The following ZNF846 variants were observed in gnomAD, a reference collection of about 807,000 sequenced individuals.
ZNF846 encodes the protein zinc finger protein 420 pseudogene.
A neutral mutation model predicts 16.0 loss-of-function variants in ZNF846; 15 were observed. The observed-to-expected ratio is 0.94, with a 90% CI of 0.63 to 1.45. The LOEUF (loss-of-function observed/expected upper bound fraction) is 1.45. Among genes scored for constraint, ZNF846 ranks in the 40% most tolerant of loss-of-function variants. The pLI, the probability that ZNF846 is intolerant of heterozygous loss-of-function variation, is 0.00. For missense variants in ZNF846, 714 were observed against 622.3 expected (o/e 1.15, Z -1.57); for synonymous variants, 229 against 212.0 (o/e 1.08, Z -0.70).
intron 1 of ZNF846, among the ~76,000 whole-genome samples, chr19:9,783,790 G>T (rs1345141795): frequency 6.6e-6 from 1 of 151,456 alleles, no homozygotes; most frequent in Non-Finnish European, 1.5e-5. Flanking sequence ...CCAAGCTCAG[G>T]TGATCCTCCC....
At chr19:9,773,955 A>G (rs1324467401) in intron 1 of ZNF846, among the ~76,000 whole-genome samples, 1 of 152,226 alleles carries the variant, frequency 6.6e-6, no homozygotes, top group Non-Finnish European at 1.5e-5. Flanking sequence ...TCTACCAGTC[A>G]AAAGCCAGTA....
intron 2 of ZNF846, 78 bp from the exon 3 acceptor site, chr19:9,763,486 A>G: frequency 3.6e-6 from 5 of 1,388,918 alleles, no homozygotes; most frequent in Non-Finnish European, 3.9e-6. Context: ...TGAAGGACTA[A>G]GGAAGACTAG....
chr19:9,758,797 C>G, intron 5 of ZNF846, 33 bp from the exon 6 acceptor site: 1 of 1,483,758 alleles, frequency 6.7e-7, no homozygotes, highest in Non-Finnish European at 9.0e-7. Context: ...TAAAGAATTT[C>G]TCACATTCAG....
upstream of ZNF846, among the ~76,000 whole-genome samples, chr19:9,772,579 A>G (rs1231248469): frequency 6.6e-6 from 1 of 151,156 alleles, no homozygotes; most frequent in Non-Finnish European, 1.5e-5. Context: ...CAGTGGTGAC[A>G]GAGCAAGACT....
chr19:9,776,209 G>C (rs968467986), intron 1 of ZNF846, among the ~76,000 whole-genome samples: 1 of 152,184 alleles, frequency 6.6e-6, no homozygotes, highest in Admixed American at 6.5e-5. Context: ...CTTTTCCCCG[G>C]GGGGGTTTAT....
At chr19:9,756,345 G>GTGTGTGTATATATA (rs1321690890), downstream of ZNF846, 31 of 81,756 alleles carry the variant, frequency 3.8e-4, no homozygotes, top group African/African-American at 1.3e-3. Context: ...GTGTGTGTGT[G>GTGTGTGTATATATA]TATATATATA....
At chr19:9,753,418 AT>A (rs575904125), downstream of ZNF846, among the ~76,000 whole-genome samples, 5,499 of 135,510 alleles carry the variant, frequency 0.041, 224 homozygotes, top group African/African-American at 0.089. Context: ...CACTGGGCTG[AT>A]TTTTTTTTTT....
intron 1 of ZNF846, among the ~76,000 whole-genome samples, chr19:9,778,695 G>A (rs932867485): frequency 6.6e-6 from 1 of 151,192 alleles, no homozygotes; most frequent in African/African-American, 2.4e-5. Flanking sequence ...CCCAGCTACT[G>A]AGGAGGCTGA....
At chr19:9,758,665 C>T in exon 6 of ZNF846, 1 of 1,612,910 alleles carries the variant, frequency 6.2e-7, no homozygotes, top group African/African-American at 1.3e-5. Context: ...GTTTTCTCTC[C>T]AATGTGAGTT....
chr19:9,758,284 G>T lies in ZNF846; in HGVS notation c.793C>A (p.Gln265Lys), dbSNP rs182871540. ...ATGTGTAATTTAAGTCCTGTGGATT[G>T]AGTGAAAGCTTTACCACATTCTTTA... is the stretch of plus-strand genomic sequence containing the variant. The change falls in exon 6 of 6, where the codon CAA (glutamine) becomes AAA (lysine). Residue 265 changes from glutamine (Q) to lysine (K), a missense_variant. Transcript: ENST00000397902. The T allele has an allele frequency of 2.7e-4, 443 of 1,613,188 alleles. 10 individuals are homozygous for T. The African/African-American group carries it at 3.9e-3, about 14-fold the overall frequency.
chr19:9,758,560 C>A (rs759616645), exon 6 of ZNF846: 21 of 1,612,276 alleles, frequency 1.3e-5, no homozygotes, highest in Non-Finnish European at 1.8e-5. Flanking sequence ...TCATGTTTAA[C>A]ACACTTAGGC....
chr19:9,765,673 AAAACAAAC>A (rs907897144), intron 1 of ZNF846, among the ~76,000 whole-genome samples: 5 of 152,132 alleles, frequency 3.3e-5, no homozygotes, highest in Non-Finnish European at 7.4e-5. Context: ...ACTCCATCTC[AAAACAAAC>A]AAACAAACAA....
chr19:9,756,435 A>T (rs752123681), downstream of ZNF846: 2 of 144,908 alleles, frequency 1.4e-5, no homozygotes, highest in Non-Finnish European at 3.0e-5. Context: ...CCTCTTTGAG[A>T]TTACCAAATA....
chr19:9,758,008 CAT>C lies in ZNF846; in HGVS notation c.1067_1068del (p.His356ArgfsTer13), dbSNP rs1568321303. 4.3e-6 allele frequency: 7 copies of C among 1,613,306 alleles called. No homozygotes were observed. The highest frequency in any genetic ancestry group is 2.2e-5 in the East Asian group (1 of 44,846). On this transcript the variant is annotated frameshift_variant, in exon 6 of 6. Transcript: ENST00000397902. LOFTEE classifies it low-confidence loss of function (END_TRUNC). ...AGCTTCTCTCCACTGTGAATCCTTA[CAT>C]GTTTTGTAAGGTATGAGGAATGAAT...
intron 1 of ZNF846, among the ~76,000 whole-genome samples, chr19:9,782,279 T>A (rs2045509614): frequency 6.6e-6 from 1 of 152,150 alleles, no homozygotes; most frequent in South Asian, 2.1e-4. Flanking sequence ...CTTTCTCTTT[T>A]TTATTAGACA....
At chr19:9,767,483 C>T (rs1300644285) in intron 1 of ZNF846, among the ~76,000 whole-genome samples, 1 of 152,016 alleles carries the variant, frequency 6.6e-6, no homozygotes. Flanking sequence ...AGAAAACATG[C>T]AAAATATTAA....
At chr19:9,764,000 G>A (rs140030953) in intron 2 of ZNF846, among the ~76,000 whole-genome samples, 51 of 152,286 alleles carry the variant, frequency 3.3e-4, no homozygotes, top group Middle Eastern at 3.4e-3. Context: ...AGCCAACAGC[G>A]TGTGATGTGC....
chr19:9,779,259 AATTT>A (rs1032733071), intron 1 of ZNF846, among the ~76,000 whole-genome samples: 2 of 151,846 alleles, frequency 1.3e-5, no homozygotes, highest in South Asian at 2.1e-4. Context: ...GAATAAAAGG[AATTT>A]ATTTATTTAT....
upstream of ZNF846, among the ~76,000 whole-genome samples, chr19:9,769,441 G>A (rs1331172940): frequency 6.6e-6 from 1 of 151,844 alleles, no homozygotes; most frequent in Non-Finnish European, 1.5e-5. Context: ...TTGTTACCCA[G>A]GCTGATCTGG....
Sources: gnomAD v4.1 joint callset for allele counts (sites outside exome capture counted in the v4.1 genomes callset) on GRCh38, gnomAD v4.1.1 for gene constraint, MANE v1.5 for transcripts, NCBI Gene and HGNC (gene_info 2026-07-23, HGNC 2026-07-21) for gene names.